GPC6: variants seen among roughly 807,000 people sequenced by gnomAD.
GPC6 encodes the protein glypican-6.
In GPC6, 14 loss-of-function variants were observed where a neutral mutation model predicts 55.2. That is an observed-to-expected ratio of 0.25 (90% CI 0.17 to 0.40). The LOEUF (loss-of-function observed/expected upper bound fraction) is 0.40. Ranked by LOEUF, GPC6 falls within the 10% of genes least tolerant of loss-of-function variation. The pLI is 1.00. For synonymous variants in GPC6, 278 were observed against 259.6 expected (o/e 1.07, Z -0.68); for missense variants, 641 against 708.5 (o/e 0.90, Z 1.08).
intron 1 of GPC6, among the ~76,000 whole-genome samples, chr13:93,419,830 C>T (rs1174345975): frequency 6.6e-6 from 1 of 152,012 alleles, no homozygotes; most frequent in African/African-American, 2.4e-5. Context: ...CTACATTAAA[C>T]GTTTGAACTT....
At chr13:93,756,140 A>G (rs145676086) in intron 2 of GPC6, among the ~76,000 whole-genome samples, 1 of 152,304 alleles carries the variant, frequency 6.6e-6, no homozygotes, top group African/African-American at 2.4e-5. Context: ...GAGAATCATC[A>G]CTGGGATTCT....
chr13:94,174,462 A>C (rs1888676031), intron 4 of GPC6, among the ~76,000 whole-genome samples: 1 of 152,122 alleles, frequency 6.6e-6, no homozygotes, highest in Non-Finnish European at 1.5e-5. Flanking sequence ...ATTTACTATA[A>C]ATATACTAGG....
At chr13:93,703,190 G>A (rs1337702908) in intron 2 of GPC6, among the ~76,000 whole-genome samples, 5 of 151,722 alleles carry the variant, frequency 3.3e-5, no homozygotes, top group African/African-American at 1.2e-4. Flanking sequence ...CACTTTATCG[G>A]GGACTAGGGA....
In GPC6 at chr13:93,302,500, G is replaced by A. The variant is rs555152733; in HGVS notation, c.160+74884G>A. ...ATGTCATTTAAATAATGAAATGTTG[G>A]CATTGTTTGGGTATAGTGTAAGTTT... is the stretch of plus-strand genomic sequence containing the variant. On this transcript the variant is annotated intron_variant, in intron 1 of 8. Transcript: ENST00000377047. Among the ~76,000 whole-genome samples, 4 of 152,274 alleles carry A rather than the reference G, an allele frequency of 2.6e-5. No individual in the cohort carries two copies. In the South Asian group the frequency reaches 8.3e-4, roughly 32 times the overall value.
intron 2 of GPC6, among the ~76,000 whole-genome samples, chr13:93,620,859 T>A (rs1878922037): frequency 2.0e-5 from 3 of 152,276 alleles, no homozygotes; most frequent in Admixed American, 1.3e-4. Flanking sequence ...CTTTTCTTCA[T>A]GTACCACCAA....
At chr13:93,840,480 G>T (rs527297381) in intron 3 of GPC6, among the ~76,000 whole-genome samples, 12 of 152,244 alleles carry the variant, frequency 7.9e-5, no homozygotes, top group African/African-American at 2.6e-4. Context: ...ACCCCAAACA[G>T]ATAATTTGAA....
intron 2 of GPC6, among the ~76,000 whole-genome samples, chr13:93,691,309 G>T (rs906604344): frequency 5.9e-5 from 9 of 152,004 alleles, no homozygotes; most frequent in Admixed American, 1.3e-4. Context: ...GAACTTTTGT[G>T]CATCAACCTT....
intron 2 of GPC6, among the ~76,000 whole-genome samples, chr13:93,775,569 G>A (rs971107773): frequency 6.6e-6 from 1 of 152,162 alleles, no homozygotes; most frequent in East Asian, 1.9e-4. Context: ...GAGTGATCGT[G>A]GAGAAATAAT....
intron 1 of GPC6, among the ~76,000 whole-genome samples, chr13:93,501,958 A>G (rs2139372741): frequency 6.6e-6 from 1 of 152,290 alleles, no homozygotes; most frequent in African/African-American, 2.4e-5. Context: ...AGTAGAATGT[A>G]GAATAGTATA....
intron 1 of GPC6, among the ~76,000 whole-genome samples, chr13:93,482,927 G>C (rs1282718509): frequency 6.6e-6 from 1 of 152,116 alleles, no homozygotes; most frequent in Non-Finnish European, 1.5e-5. Context: ...TTTGTGGTCT[G>C]TAAGTCTGCT....
intron 2 of GPC6, among the ~76,000 whole-genome samples, chr13:93,794,370 G>A (rs1324026862): frequency 6.6e-6 from 1 of 152,122 alleles, no homozygotes; most frequent in Non-Finnish European, 1.5e-5. Context: ...TGAAACTCTG[G>A]GAGTGGGGCC....
In GPC6 at chr13:93,227,401, A is replaced by T; in HGVS notation, c.-56A>T. The T allele has an allele frequency of 6.3e-7, 1 of 1,579,812 alleles. No homozygotes were observed. On this transcript the variant is annotated 5_prime_UTR_variant, in exon 1 of 9. Transcript: ENST00000377047. This position sits in a 1 kb window ranked among gnomAD's most constrained non-coding sequence, Gnocchi z 4.3. The stretch of plus-strand genomic sequence containing the variant: ...CTGGCGGGCTTTCGGCTTGAGGGGC[A>T]AGGTGAAGAGCGCACCGGCCGTGGG...
At chr13:93,219,807 T>C in the GPC6 span, among the ~76,000 whole-genome samples, 3 of 151,890 alleles carry the variant, frequency 2.0e-5, no homozygotes, top group African/African-American at 7.3e-5. Context: ...AAATTTCTTG[T>C]TTTTTTTCTA....
chr13:93,593,840 T>C (rs7984734), intron 2 of GPC6, among the ~76,000 whole-genome samples: 106,352 of 152,024 alleles, frequency 0.7, 41,072 homozygotes, highest in Non-Finnish European at 0.85. Context: ...TGGAATTCAA[T>C]ATAGCTATAA....
intron 1 of GPC6, among the ~76,000 whole-genome samples, chr13:93,448,062 GTCTT>G (rs1878074242): frequency 6.6e-6 from 1 of 152,088 alleles, no homozygotes; most frequent in South Asian, 2.1e-4. Context: ...TTTTCTCTGT[GTCTT>G]TCTTAAGTAT....
intron 4 of GPC6, among the ~76,000 whole-genome samples, chr13:94,070,879 C>A (rs948811838): frequency 6.6e-6 from 1 of 152,168 alleles, no homozygotes; most frequent in African/African-American, 2.4e-5. Flanking sequence ...TCTGCTAAGA[C>A]ATCACTGAGC....
At chr13:93,318,440 A>G (rs1052658171) in intron 1 of GPC6, among the ~76,000 whole-genome samples, 2 of 152,180 alleles carry the variant, frequency 1.3e-5, no homozygotes, top group Admixed American at 1.3e-4. Flanking sequence ...TTTCTAACAT[A>G]GAAAAAAGAA....
intron 3 of GPC6, among the ~76,000 whole-genome samples, chr13:93,941,713 A>C (rs1015650105): frequency 6.6e-6 from 1 of 152,174 alleles, no homozygotes; most frequent in African/African-American, 2.4e-5. Context: ...TCATCCCAAC[A>C]CTAATAAGAC....
At chr13:94,128,689 C>T (rs1236260563) in intron 4 of GPC6, among the ~76,000 whole-genome samples, 2 of 152,088 alleles carry the variant, frequency 1.3e-5, no homozygotes, top group African/African-American at 4.8e-5. Flanking sequence ...ACAAGAGAGC[C>T]AGAAATTGCA....
Sources: allele counts gnomAD v4.1 joint callset (sites outside exome capture counted in the v4.1 genomes callset), GRCh38; gene constraint gnomAD v4.1.1; non-coding constraint Gnocchi (gnomAD v3.1); transcripts MANE v1.5; gene names NCBI Gene and HGNC (gene_info 2026-07-23, HGNC 2026-07-21).